Variants in GAB1 observed in about 807,000 individuals in gnomAD.
GAB1 encodes the protein GRB2 associated binding protein 1.
A neutral mutation model predicts 66.5 loss-of-function variants in GAB1; 19 were observed. The ratio of observed to expected loss-of-function variants is 0.29; its 90% CI spans 0.20 to 0.42. The LOEUF (loss-of-function observed/expected upper bound fraction) is 0.42. GAB1 is among the 10% of genes least tolerant of loss of function. The pLI, the probability that GAB1 is intolerant of heterozygous loss-of-function variation, is 1.00. For missense variants in GAB1, 732 were observed against 858.5 expected, an observed-to-expected ratio of 0.85 and a Z score of 1.84; for synonymous variants, 294 against 301.4, an observed-to-expected ratio of 0.98 and a Z score of 0.25.
Position 143,438,505 on chromosome 4 carries a change from C to T in GAB1, c.1100C>T (p.Ser367Leu), listed in dbSNP as rs761657658. 2 of 1,614,048 alleles carry T rather than the reference C, an allele frequency of 1.2e-6. No individual in the cohort carries two copies. Among genetic ancestry groups the T allele is most frequent in the South Asian group, 2.2e-5 (2 of 91,074 alleles). The stretch of plus-strand genomic sequence containing the variant: ...ACGTGTAGTATCCCACGCACCGCCT[C>T]AGACACTGACAGTAGTTACTGTATC... The part of the protein sequence containing the change: ...VETCSIPRTA[S>L]DTDSSYCIPT... The change falls in exon 4 of 10, where the codon TCA becomes TTA. Residue 367 changes from serine to leucine, a missense_variant. Coordinates refer to ENST00000262994, the MANE Select transcript of GAB1 (RefSeq NM_002039.4).
chr4:143,442,063 A>G (rs1056292029), intron 6 of GAB1, among the ~76,000 whole-genome samples: 4 of 152,080 alleles, frequency 2.6e-5, no homozygotes, highest in Non-Finnish European at 4.4e-5. Flanking sequence ...TTGTCTCTAA[A>G]TCTATTTTAG....
rs192460896 is a variant in GAB1 at position 143,442,546 on chromosome 4, T to C, written c.1585+2164T>C. Among the ~76,000 whole-genome samples, 43 of 152,360 alleles carry C rather than the reference T, an allele frequency of 2.8e-4. 2 individuals carry two copies. Among genetic ancestry groups the C allele is most frequent in the Admixed American group, 2.4e-3 (37 of 15,308 alleles). The stretch of plus-strand genomic sequence containing the variant: ...CTAAGATCAATTAATGATTAGCTTT[T>C]AGTATCCTCTAGGTCTGATATCACT... On this transcript the variant is annotated intron_variant, in intron 6 of 9. Coordinates refer to ENST00000262994, the MANE Select transcript of GAB1 (RefSeq NM_002039.4).
intron 1 of GAB1, among the ~76,000 whole-genome samples, chr4:143,405,207 A>G (rs777686478): frequency 1.8e-4 from 28 of 152,196 alleles, no homozygotes; most frequent in Non-Finnish European, 3.1e-4. Context: ...ACACACACAC[A>G]TACACACAAA....
At chr4:143,395,873 G>A (rs749601281) in intron 1 of GAB1, 9 of 454,578 alleles carry the variant, frequency 2.0e-5, no homozygotes, top group South Asian at 6.2e-5. Flanking sequence ...ACAGCTTGTC[G>A]AGATTGATGG....
chr4:143,400,014 C>T (rs1221641805), intron 1 of GAB1, among the ~76,000 whole-genome samples: 1 of 151,540 alleles, frequency 6.6e-6, no homozygotes, highest in Non-Finnish European at 1.5e-5. Flanking sequence ...TCTTGGCTCA[C>T]TGCAACCTCC....
chr4:143,397,436 A>G lies in GAB1; in HGVS notation c.73-18041A>G, dbSNP rs536642695. 2.0e-5 allele frequency among the ~76,000 whole-genome samples: 3 copies of G among 152,302 alleles called. No individual in the cohort carries two copies. In the South Asian group the frequency reaches 6.2e-4, roughly 32 times the overall value. On this transcript the variant is annotated intron_variant, in intron 1 of 9. Coordinates refer to ENST00000262994, the MANE Select transcript of GAB1 (RefSeq NM_002039.4). ...CTCTATTTAACTATAAATACACTAC[A>G]TGCTACAAATCAGATGTACAGATGA...
At chr4:143,365,897 C>T (rs571264843) in intron 1 of GAB1, among the ~76,000 whole-genome samples, 4 of 152,304 alleles carry the variant, frequency 2.6e-5, no homozygotes, top group Non-Finnish European at 4.4e-5. Flanking sequence ...ATTACTAATA[C>T]ATAAATGAAC....
In GAB1 at chr4:143,469,293, A is replaced by G. The variant is rs561591849; in HGVS notation, c.*104A>G. 5.0e-6 allele frequency: 6 copies of G among 1,203,320 alleles called. No homozygotes were observed. In the East Asian group the frequency reaches 1.0e-4, roughly 20 times the overall value. 74.5% of individuals were successfully genotyped at this position (1,203,320 alleles called of 1,614,324 possible). ...TCCACTCTAGGTAGATCCTCAAATG[A>G]GTAGAGTTGAAGTCAAAGGACCTTT... On this transcript the variant is annotated 3_prime_UTR_variant, in exon 10 of 10. Transcript: ENST00000262994.
intron 1 of GAB1, among the ~76,000 whole-genome samples, chr4:143,375,470 A>G (rs1244286345): frequency 1.3e-5 from 2 of 152,160 alleles, no homozygotes; most frequent in African/African-American, 4.8e-5. Context: ...CCTTCACTAG[A>G]TGGTAGCACC....
intron 6 of GAB1, among the ~76,000 whole-genome samples, chr4:143,448,628 G>A (rs1277216718): frequency 5.3e-5 from 8 of 151,156 alleles, no homozygotes; most frequent in African/African-American, 9.8e-5. Flanking sequence ...CTGTGGGATC[G>A]GTGGTGATAT....
chr4:143,378,672 TC>T (rs879686056), intron 1 of GAB1, among the ~76,000 whole-genome samples: 7 of 142,036 alleles, frequency 4.9e-5, no homozygotes, highest in Non-Finnish European at 1.1e-4. Context: ...TCTCTCTCTC[TC>T]GTTTTTCTAG....
intron 1 of GAB1, among the ~76,000 whole-genome samples, chr4:143,403,121 A>G (rs963809611): frequency 1.3e-5 from 2 of 152,060 alleles, no homozygotes; most frequent in African/African-American, 2.4e-5. Flanking sequence ...TACTATACAT[A>G]GTGTACTTGT....
intron 1 of GAB1, among the ~76,000 whole-genome samples, chr4:143,339,854 A>T (rs1310909540): frequency 6.6e-6 from 1 of 152,202 alleles, no homozygotes; most frequent in Non-Finnish European, 1.5e-5. Context: ...CCACAGGAGG[A>T]TGAATGTGCC....
At chr4:143,409,110 G>A (rs1241256621) in intron 1 of GAB1, among the ~76,000 whole-genome samples, 1 of 152,216 alleles carries the variant, frequency 6.6e-6, no homozygotes, top group Non-Finnish European at 1.5e-5. Flanking sequence ...GTTGCTGAGA[G>A]CTCAAAGGAA....
chr4:143,351,566 C>T (rs966770678), intron 1 of GAB1, among the ~76,000 whole-genome samples: 1 of 152,128 alleles, frequency 6.6e-6, no homozygotes, highest in African/African-American at 2.4e-5. Flanking sequence ...GACCTTTCGG[C>T]GGCAAGGCTG....
intron 1 of GAB1, among the ~76,000 whole-genome samples, chr4:143,372,530 C>T (rs1730172545): frequency 7.4e-6 from 1 of 135,346 alleles, no homozygotes; most frequent in Non-Finnish European, 1.7e-5. Context: ...CAGCAGTTAA[C>T]CATGGTCACA....
chr4:143,466,253 T>A (rs762749192), intron 9 of GAB1, 28 bp downstream of exon 9: 1 of 1,607,614 alleles, frequency 6.2e-7, no homozygotes, highest in Non-Finnish European at 8.5e-7. Context: ...TGTCTCTTCT[T>A]TGTATACAGT....
chr4:143,430,542 T>G (rs1196472251), intron 2 of GAB1, among the ~76,000 whole-genome samples: 1 of 152,176 alleles, frequency 6.6e-6, no homozygotes, highest in East Asian at 1.9e-4. Context: ...AAAGACAATT[T>G]TGAAACTGAA....
At position 143,433,632 on chromosome 4, in the gene GAB1, A is replaced by G. The variant is rs577943139; in HGVS notation, c.509A>G (p.His170Arg). Residue 170 changes from histidine (H) to arginine (R), a missense_variant, in exon 3 of 10, where the codon CAC (histidine) becomes CGC (arginine). His to Arg is a conservative substitution (Grantham distance 29). Transcript: ENST00000262994. ...PPYQLINVPP[H>R]LETLGIQEDP... The stretch of plus-strand genomic sequence containing the variant: ...TATCAGCTAATCAATGTTCCACCAC[A>G]CCTGGAAACTCTTGGCATTCAGGAG... 1 of 1,613,948 alleles carries G rather than the reference A, an allele frequency of 6.2e-7. No individual in the cohort carries two copies. The highest frequency in any genetic ancestry group is 1.1e-5 in the South Asian group (1 of 91,074).
Sources: allele counts gnomAD v4.1 joint callset (sites outside exome capture counted in the v4.1 genomes callset), GRCh38; gene constraint gnomAD v4.1.1; transcripts MANE v1.5; gene names NCBI Gene and HGNC (gene_info 2026-07-23, HGNC 2026-07-21).